Variants in PRUNE2 observed in about 807,000 individuals in gnomAD.
PRUNE2 encodes the protein protein prune homolog 2.
A neutral mutation model predicts 252.0 loss-of-function variants in PRUNE2; 164 were observed. That is an observed-to-expected ratio of 0.65 (90% CI 0.57 to 0.74). The LOEUF is 0.74. Ranked by LOEUF, PRUNE2 falls within the 30% of genes least tolerant of loss-of-function variation. The pLI is 0.00. For missense variants in PRUNE2, 3,495 were observed against 3,711.0 expected (o/e 0.94, Z 1.51); for synonymous variants, 1,292 against 1,350.2 (o/e 0.96, Z 0.94).
chr9:76,779,443 A>G (rs2054142072), intron 6 of PRUNE2, among the ~76,000 whole-genome samples: 1 of 152,174 alleles, frequency 6.6e-6, no homozygotes, highest in Non-Finnish European at 1.5e-5. Context: ...TCTATAGTAC[A>G]TCTTTCTTAT....
chr9:76,706,968 A>G lies in PRUNE2; in HGVS notation c.5306T>C (p.Phe1769Ser). 1 of 1,613,864 alleles carries G rather than the reference A, an allele frequency of 6.2e-7. No homozygotes were observed. The highest frequency in any genetic ancestry group is 8.5e-7 in the Non-Finnish European group (1 of 1,179,844). The change falls in exon 8 of 19, where the codon TTC becomes TCC. Residue 1769 changes from phenylalanine to serine, a missense_variant. Coordinates refer to ENST00000376718, the MANE Select transcript of PRUNE2 (RefSeq NM_015225.3). ...NQQSSPDPWT[F>S]SPLTETEMQI... ...CATTTCAGTCTCCGTTAATGGTGAG[A>G]AAGTCCAGGGATCAGGGCTGCTTTG... is the stretch of plus-strand genomic sequence containing the variant.
Position 76,612,795 on chromosome 9 carries a change from G to T in PRUNE2, c.*1775C>A, listed in dbSNP as rs1458288211. 1 of 152,292 alleles carries T rather than the reference G, an allele frequency of 6.6e-6. No homozygotes were observed. The highest frequency in any genetic ancestry group is 2.4e-5 in the African/African-American group (1 of 41,430). 9.4% of individuals were successfully genotyped at this position (152,292 alleles called of 1,614,324 possible). Reference sequence around the variant, plus strand: ...GGAGGAGACAGAGGTGAAGCAATGAGGTCAGAGAAACTCAATCACCTGTGC... The same window carrying T: ...GGAGGAGACAGAGGTGAAGCAATGATGTCAGAGAAACTCAATCACCTGTGC... On this transcript the variant is annotated 3_prime_UTR_variant, in exon 19 of 19. Coordinates refer to ENST00000376718, the MANE Select transcript of PRUNE2 (RefSeq NM_015225.3).
At chr9:76,638,318 C>T (rs1458789282) in intron 12 of PRUNE2, 30 bp from the exon 13 acceptor site, 1 of 1,477,658 alleles carries the variant, frequency 6.8e-7, no homozygotes, top group African/African-American at 1.4e-5. Flanking sequence ...ACACTTGTAA[C>T]CAATTGAAAG....
At chr9:76,854,472 C>G (rs1047209192) in intron 1 of PRUNE2, among the ~76,000 whole-genome samples, 1 of 152,122 alleles carries the variant, frequency 6.6e-6, no homozygotes, top group Non-Finnish European at 1.5e-5. Context: ...TTCATATGAA[C>G]TGTATCTCTG....
intron 6 of PRUNE2, among the ~76,000 whole-genome samples, chr9:76,723,706 A>C (rs912916644): frequency 3.9e-5 from 6 of 152,208 alleles, no homozygotes; most frequent in African/African-American, 1.4e-4. Flanking sequence ...TTTGAGTTGA[A>C]GAATTCAAGA....
chr9:76,617,513 G>GA (rs112685953), intron 18 of PRUNE2, among the ~76,000 whole-genome samples: 9,798 of 141,436 alleles, frequency 0.069, 772 homozygotes, highest in African/African-American at 0.19. Flanking sequence ...CTGGAAGTCA[G>GA]AAAAAAAAAA....
intron 6 of PRUNE2, among the ~76,000 whole-genome samples, chr9:76,730,314 C>T (rs59124561): frequency 0.03 from 4,608 of 152,286 alleles, 213 homozygotes; most frequent in African/African-American, 0.1. Flanking sequence ...AGAGCTTCTA[C>T]TGTCAGAGGT....
chr9:76,701,622 G>A (rs1216382956), intron 9 of PRUNE2, among the ~76,000 whole-genome samples: 1 of 152,132 alleles, frequency 6.6e-6, no homozygotes, highest in Admixed American at 6.6e-5. Flanking sequence ...GGTCTCTCTG[G>A]AAGAAAATAG....
chr9:76,685,192 T>C (rs889592665), intron 9 of PRUNE2, among the ~76,000 whole-genome samples: 2 of 152,206 alleles, frequency 1.3e-5, no homozygotes, highest in Non-Finnish European at 1.5e-5. Flanking sequence ...AGTTCTATTA[T>C]ATGATTACAT....
intron 4 of PRUNE2, among the ~76,000 whole-genome samples, chr9:76,837,993 G>C (rs568286027): frequency 4.6e-5 from 7 of 151,718 alleles, no homozygotes; most frequent in Non-Finnish European, 7.4e-5. Context: ...GGATGGTCTC[G>C]ATCTCCTGAC....
intron 6 of PRUNE2, among the ~76,000 whole-genome samples, chr9:76,801,040 C>A (rs1230289751): frequency 6.6e-6 from 1 of 152,170 alleles, no homozygotes; most frequent in African/African-American, 2.4e-5. Flanking sequence ...GCAAAGGTTA[C>A]ACACACATGC....
At chr9:76,826,103 T>A (rs1375976311) in intron 5 of PRUNE2, among the ~76,000 whole-genome samples, 6 of 152,200 alleles carry the variant, frequency 3.9e-5, no homozygotes, top group Non-Finnish European at 2.9e-5. Flanking sequence ...AGCTGTCTAT[T>A]TGCAGGGGAG....
At chr9:76,855,786 C>A (rs2060223052) in intron 1 of PRUNE2, among the ~76,000 whole-genome samples, 1 of 152,126 alleles carries the variant, frequency 6.6e-6, no homozygotes, top group Admixed American at 6.5e-5. Context: ...ACAATCCCCT[C>A]CCTTGTCACT....
intron 6 of PRUNE2, among the ~76,000 whole-genome samples, chr9:76,799,398 T>C (rs1323991889): frequency 6.6e-6 from 1 of 151,102 alleles, no homozygotes; most frequent in African/African-American, 2.4e-5. Flanking sequence ...GTGCAATCCA[T>C]AGGTGTACTG....
At chr9:76,886,820 C>T (rs1469087637) in intron 1 of PRUNE2, among the ~76,000 whole-genome samples, 2 of 152,064 alleles carry the variant, frequency 1.3e-5, no homozygotes, top group Non-Finnish European at 2.9e-5. Context: ...ATTTATTTAT[C>T]TTAATAAATA....
intron 4 of PRUNE2, among the ~76,000 whole-genome samples, chr9:76,826,969 C>A (rs2058379332): frequency 6.6e-6 from 1 of 152,152 alleles, no homozygotes; most frequent in Non-Finnish European, 1.5e-5. Context: ...CTAGCATACT[C>A]TATGGTACAG....
Position 76,832,549 on chromosome 9 carries a change from A to G in PRUNE2, c.509-5817T>C, listed in dbSNP as rs377361682. 7.2e-5 allele frequency among the ~76,000 whole-genome samples: 11 copies of G among 152,284 alleles called. No homozygotes were observed. In the South Asian group the frequency reaches 2.3e-3, roughly 32 times the overall value. Reference sequence around the variant, plus strand: ...CTTTTAACTAAATGAGAATGAAAATATGACACTTTAAATTGTGAGATTCAA... The same window carrying G: ...CTTTTAACTAAATGAGAATGAAAATGTGACACTTTAAATTGTGAGATTCAA... On this transcript the variant is annotated intron_variant, in intron 4 of 18. Transcript: ENST00000376718.
chr9:76,711,135 T>C lies in PRUNE2; in HGVS notation c.1139A>G (p.Gln380Arg). 1 of 1,613,956 alleles carries C rather than the reference T, an allele frequency of 6.2e-7. No homozygotes were observed. The highest frequency in any genetic ancestry group is 8.5e-7 in the Non-Finnish European group (1 of 1,179,864). ...CAATTCCATAATCCCAGAAGACCCC[T>C]GGGAGAGGGGGGCACTGCCTGCCAC... ...EAVAGSAPLS[Q>R]GSSGIMELYG... The change falls in exon 8 of 19, where the codon CAG (glutamine) becomes CGG (arginine). Residue 380 changes from glutamine to arginine, a missense_variant. Coordinates refer to ENST00000376718, the MANE Select transcript of PRUNE2 (RefSeq NM_015225.3).
intron 9 of PRUNE2, among the ~76,000 whole-genome samples, chr9:76,702,417 AC>A (rs1374290176): frequency 2.0e-5 from 3 of 152,156 alleles, no homozygotes; most frequent in African/African-American, 7.2e-5. Context: ...TACTTAAGTT[AC>A]TTTTCACAAT....
Sources: allele counts gnomAD v4.1 joint callset (sites outside exome capture counted in the v4.1 genomes callset), GRCh38; gene constraint gnomAD v4.1.1; transcripts MANE v1.5; gene names NCBI Gene and HGNC (gene_info 2026-07-23, HGNC 2026-07-21).